SYMPK: variants seen among roughly 807,000 people sequenced by gnomAD.
The protein encoded by SYMPK is symplekin scaffold protein.
Under a neutral mutation model 136.4 loss-of-function variants are expected in SYMPK, and 49 were observed. That is an observed-to-expected ratio of 0.36 (90% CI 0.29 to 0.46). The LOEUF is 0.46. Among genes scored for constraint, SYMPK ranks in the 20% least tolerant of loss-of-function variants. SYMPK has a pLI of 1.00. For synonymous variants in SYMPK, 766 were observed against 713.0 expected (o/e 1.07, Z -1.19); for missense variants, 1,365 against 1,690.0 (o/e 0.81, Z 3.37).
intron 23 of SYMPK, chr19:45,817,271 C>G (rs1444512174): frequency 2.5e-6 from 1 of 397,626 alleles, no homozygotes; most frequent in Non-Finnish European, 4.5e-6. Context: ...ATGACATTCT[C>G]ACGGCAGCCT....
In SYMPK at chr19:45,830,045, G is replaced by C; in HGVS notation, c.1749+9C>G. On this transcript the variant is annotated intron_variant, in intron 13 of 26. Transcript: ENST00000245934. The stretch of plus-strand genomic sequence containing the variant: ...TGGAAGGATGGGGTGGGGGGTGGCA[G>C]GCGCACACCTGGGCTGCCCCGCTGC... 2 of 1,537,898 alleles carry C rather than the reference G, an allele frequency of 1.3e-6. No individual in the cohort carries two copies. The highest frequency in any genetic ancestry group is 1.8e-6 in the Non-Finnish European group (2 of 1,135,814).
At position 45,853,701 on chromosome 19, in the gene SYMPK, C is replaced by T. The variant is rs138300052; in HGVS notation, c.171+474G>A. On this transcript the variant is annotated intron_variant, in intron 3 of 26. Transcript: ENST00000245934. ...TCCATGGCTTGGTTCAAAAGTCCTC[C>T]CTGACTCCCCATCCCTAGGCTGGGT... is the stretch of plus-strand genomic sequence containing the variant. 3.2e-4 allele frequency among the ~76,000 whole-genome samples: 48 copies of T among 152,310 alleles called. 1 individual carries two copies. Among genetic ancestry groups the T allele is most frequent in the Non-Finnish European group, 6.2e-4 (42 of 68,026 alleles).
intron 23 of SYMPK, chr19:45,817,260 C>A: frequency 2.4e-6 from 1 of 421,638 alleles, no homozygotes; most frequent in Non-Finnish European, 4.2e-6. Context: ...GAGCACCTCT[C>A]ATGACATTCT....
rs3840932 is a variant in SYMPK at position 45,863,113 on chromosome 19, TCCGCCG to T, written c.-74_-69del. On this transcript the variant is annotated 5_prime_UTR_variant, in exon 1 of 27. Transcript: ENST00000245934. ...CCCTCAGCAGTGCCTCTTCCTACAC[TCCGCCG>T]CCGCCGCCGCCGCCATCTTCCGTTC... The T allele has an allele frequency of 9.9e-6, 4 of 404,026 alleles. No individual in the cohort carries two copies. The highest frequency in any genetic ancestry group is 4.4e-5 in the Admixed American group (1 of 22,730). 25.0% of individuals were successfully genotyped at this position (404,026 alleles called of 1,614,324 possible). A position where few individuals can be genotyped will look rare whatever the true frequency, so the allele number is the denominator to read the frequency against.
chr19:45,840,420 T>G (rs1971407954), intron 9 of SYMPK, among the ~76,000 whole-genome samples: 1 of 151,228 alleles, frequency 6.6e-6, no homozygotes, highest in South Asian at 2.1e-4. Flanking sequence ...TCTCAACACT[T>G]TAGGAGGCGA....
intron 25 of SYMPK, 94 bp downstream of exon 25, chr19:45,816,384 GTCTC>G: frequency 6.9e-7 from 1 of 1,450,994 alleles, no homozygotes; most frequent in Non-Finnish European, 9.1e-7. Context: ...GGTGGCCTGA[GTCTC>G]TCGGGGTCAG....
At chr19:45,825,878 TC>T (rs1167568749) in intron 17 of SYMPK, among the ~76,000 whole-genome samples, 1 of 152,196 alleles carries the variant, frequency 6.6e-6, no homozygotes, top group Admixed American at 6.5e-5. Flanking sequence ...TGCTGCCCTA[TC>T]ATGGCCCAAG....
intron 13 of SYMPK, among the ~76,000 whole-genome samples, chr19:45,829,616 T>C (rs768276145): frequency 9.9e-5 from 15 of 152,138 alleles, no homozygotes; most frequent in Non-Finnish European, 7.4e-5. Flanking sequence ...TACTGGCTAA[T>C]CAACAATTAA....
intron 20 of SYMPK, among the ~76,000 whole-genome samples, 167 bp from the exon 21 acceptor site, chr19:45,823,013 C>T (rs1463626014): frequency 6.6e-6 from 1 of 152,204 alleles, no homozygotes; most frequent in Non-Finnish European, 1.5e-5. Flanking sequence ...CTCCCCAGCT[C>T]TCACCCCATC....
At chr19:45,852,820 G>C (rs1435414206) in intron 3 of SYMPK, among the ~76,000 whole-genome samples, 1 of 152,144 alleles carries the variant, frequency 6.6e-6, no homozygotes, top group Non-Finnish European at 1.5e-5. Context: ...AGATAGTGAG[G>C]ACATGACACA....
chr19:45,858,807 G>C (rs111318174), intron 1 of SYMPK, among the ~76,000 whole-genome samples: 1 of 151,700 alleles, frequency 6.6e-6, no homozygotes. Context: ...GAGCCACCGC[G>C]CCCGGCCGAC....
At chr19:45,822,361 G>A (rs886180693) in intron 21 of SYMPK, among the ~76,000 whole-genome samples, 2 of 151,988 alleles carry the variant, frequency 1.3e-5, no homozygotes, top group Non-Finnish European at 2.9e-5. Flanking sequence ...CTTGTGATCC[G>A]CCCGCCTCGC....
intron 6 of SYMPK, 134 bp from the exon 7 acceptor site, chr19:45,848,135 T>C: frequency 8.5e-7 from 1 of 1,181,440 alleles, no homozygotes. Context: ...AGTTACTGAG[T>C]TCCAACTCTG....
intron 17 of SYMPK, 123 bp downstream of exon 17, chr19:45,826,103 T>C (rs1027531652): frequency 3.5e-6 from 5 of 1,427,542 alleles, no homozygotes; most frequent in Admixed American, 2.1e-5. Context: ...CAGGTGGCTG[T>C]CCCAGTCCTG....
In SYMPK at chr19:45,829,056, T is replaced by C. The variant is rs1333998479; in HGVS notation, c.1899A>G (p.Ala633=). Residue 633 remains alanine (A), a synonymous_variant, in exon 14 of 27, where the codon GCA becomes GCG. Transcript: ENST00000245934. ...LYQEYNAYLA[A]GASGSLDKYE... ...ACTTGTCCAGGGAGCCCGAGGCACCTGCGGCCAGGTAGGCGTTGTACTCCT... is the reference window on the plus strand; with the variant it reads ...ACTTGTCCAGGGAGCCCGAGGCACCCGCGGCCAGGTAGGCGTTGTACTCCT... The C allele has an allele frequency of 6.2e-7, 1 of 1,614,126 alleles. No homozygotes were observed. The highest frequency in any genetic ancestry group is 8.5e-7 in the Non-Finnish European group (1 of 1,180,030).
intron 7 of SYMPK, 105 bp from the exon 8 acceptor site, chr19:45,844,305 G>T: frequency 1.2e-6 from 1 of 864,828 alleles, no homozygotes; most frequent in Non-Finnish European, 1.7e-6. Context: ...GTACCTAGAT[G>T]TCTATGAATG....
chr19:45,848,178 G>A (rs1568623357), intron 6 of SYMPK, among the ~76,000 whole-genome samples, 177 bp from the exon 7 acceptor site: 1 of 152,200 alleles, frequency 6.6e-6, no homozygotes, highest in Non-Finnish European at 1.5e-5. Flanking sequence ...GCTGGAGACA[G>A]GACTGAGTAG....
At chr19:45,852,687 G>T in intron 3 of SYMPK, 152 bp from the exon 4 acceptor site, 1 of 944,304 alleles carries the variant, frequency 1.1e-6, no homozygotes, top group Non-Finnish European at 1.7e-6. Context: ...TACCAAGGGT[G>T]CTATGCTCTG....
chr19:45,861,170 G>C (rs1971958054), intron 1 of SYMPK, among the ~76,000 whole-genome samples: 1 of 152,110 alleles, frequency 6.6e-6, no homozygotes. Flanking sequence ...CTGGGCGACA[G>C]AATGAGACTC....
Sources: allele counts gnomAD v4.1 joint callset (sites outside exome capture counted in the v4.1 genomes callset), GRCh38; gene constraint gnomAD v4.1.1; transcripts MANE v1.5; gene names NCBI Gene and HGNC (gene_info 2026-07-23, HGNC 2026-07-21).